CNTN5: variants seen among roughly 807,000 people sequenced by gnomAD.
The protein encoded by CNTN5 is contactin 5, also known as contactin-5.
In CNTN5, 77 loss-of-function variants were observed where a neutral mutation model predicts 129.1. That is an observed-to-expected ratio of 0.60 (90% confidence interval 0.50 to 0.72). The LOEUF (loss-of-function observed/expected upper bound fraction) is 0.72. Ranked by LOEUF, CNTN5 falls within the 30% of genes least tolerant of loss-of-function variation. The probability of loss-of-function intolerance (pLI) is 0.00; values close to 1 mark genes in which losing one functional copy is unlikely to be tolerated. For synonymous variants in CNTN5, 509 were observed against 465.6 expected, an observed-to-expected ratio of 1.09 and a Z score of -1.20; for missense variants, 1,478 against 1,328.8, an observed-to-expected ratio of 1.11 and a Z score of -1.75.
chr11:99,194,763 G>A (rs1858818316), intron 1 of CNTN5, among the ~76,000 whole-genome samples: 1 of 152,136 alleles, frequency 6.6e-6, no homozygotes, highest in Middle Eastern at 3.4e-3. Flanking sequence ...ATGCCGCCAT[G>A]CCCAGCTAAT....
At chr11:100,297,557 C>T (rs1944178) in intron 18 of CNTN5, 68 bp from the exon 19 acceptor site, 1,081,897 of 1,201,864 alleles carry the variant, frequency 0.9, 487,725 homozygotes, top group East Asian at 1. Context: ...TCTGACTTAT[C>T]TCAGGATTTT....
chr11:100,039,535 G>A (rs1231406289), intron 9 of CNTN5, among the ~76,000 whole-genome samples: 1 of 152,182 alleles, frequency 6.6e-6, no homozygotes, highest in Non-Finnish European at 1.5e-5. Context: ...GATTGGGGAA[G>A]TTCTCCTGGG....
chr11:100,323,505 G>T (rs566725089), intron 21 of CNTN5, among the ~76,000 whole-genome samples: 5 of 152,136 alleles, frequency 3.3e-5, no homozygotes, highest in African/African-American at 1.2e-4. Flanking sequence ...TTGGATGCTT[G>T]CCATGATTTT....
intron 1 of CNTN5, among the ~76,000 whole-genome samples, chr11:99,116,525 A>G (rs1030504617): frequency 9.2e-5 from 14 of 152,194 alleles, no homozygotes; most frequent in African/African-American, 3.4e-4. Flanking sequence ...TGCACGTTAC[A>G]TAATAGGCAT....
intron 10 of CNTN5, among the ~76,000 whole-genome samples, chr11:100,067,974 C>A (rs1251306942): frequency 6.6e-6 from 1 of 152,050 alleles, no homozygotes; most frequent in Admixed American, 6.6e-5. Context: ...GGATTGTTTT[C>A]TCAGATGTCA....
At chr11:99,277,032 A>G (rs545471453) in intron 1 of CNTN5, among the ~76,000 whole-genome samples, 1 of 151,768 alleles carries the variant, frequency 6.6e-6, no homozygotes, top group Admixed American at 6.6e-5. Flanking sequence ...GCCTGTTTAA[A>G]CCGTTATTAC....
At chr11:99,434,040 CTG>C (rs1943503924) in intron 2 of CNTN5, among the ~76,000 whole-genome samples, 1 of 152,120 alleles carries the variant, frequency 6.6e-6, no homozygotes, top group Admixed American at 6.6e-5. Flanking sequence ...TTCAGGGACA[CTG>C]TGCTCAGTGC....
In CNTN5 at chr11:100,082,531, C is replaced by A. The variant is rs138681204; in HGVS notation, c.1580+8237C>A. ...TGTCTTGAATTCATGGGCTTAAGCA[C>A]TCCTCCCAGCTTGACCTCCCAAATT... On this transcript the variant is annotated intron_variant, in intron 13 of 24. Coordinates refer to ENST00000524871, the MANE Select transcript of CNTN5 (RefSeq NM_014361.4). Among the ~76,000 whole-genome samples, 215 of 152,176 alleles carry A rather than the reference C, an allele frequency of 1.4e-3. 1 individual carries two copies. Among genetic ancestry groups the A allele is most frequent in the African/African-American group, 5.0e-3 (206 of 41,516 alleles).
intron 15 of CNTN5, among the ~76,000 whole-genome samples, chr11:100,216,744 C>G (rs987592382): frequency 1.3e-5 from 2 of 152,060 alleles, no homozygotes; most frequent in East Asian, 3.8e-4. Context: ...TCAAATAAAC[C>G]TATGGTTCAT....
chr11:99,849,485 T>A (rs1445706645), intron 6 of CNTN5, among the ~76,000 whole-genome samples: 4 of 152,084 alleles, frequency 2.6e-5, no homozygotes, highest in Admixed American at 2.6e-4. Context: ...ACAGCTTGCC[T>A]TCCTGCTCCC....
intron 9 of CNTN5, among the ~76,000 whole-genome samples, chr11:100,053,758 T>C (rs1259337657): frequency 3.3e-5 from 5 of 151,934 alleles, no homozygotes; most frequent in East Asian, 3.9e-4. Flanking sequence ...TGTTCACAAA[T>C]ACTTGTATAA....
At chr11:99,718,623 A>G (rs1409584240) in intron 3 of CNTN5, among the ~76,000 whole-genome samples, 1 of 152,166 alleles carries the variant, frequency 6.6e-6, no homozygotes, top group Non-Finnish European at 1.5e-5. Flanking sequence ...GCACACATCT[A>G]AATTGGTCAG....
intron 3 of CNTN5, among the ~76,000 whole-genome samples, chr11:99,559,314 C>A (rs1948766184): frequency 1.3e-5 from 2 of 151,966 alleles, no homozygotes; most frequent in African/African-American, 4.8e-5. Flanking sequence ...TCCATATTTC[C>A]TTTATTTATT....
At chr11:100,065,295 T>TC (rs1943655830) in intron 10 of CNTN5, among the ~76,000 whole-genome samples, 1 of 152,138 alleles carries the variant, frequency 6.6e-6, no homozygotes, top group Non-Finnish European at 1.5e-5. Context: ...ACTTTTTTTT[T>TC]CATCCAGCCC....
intron 13 of CNTN5, among the ~76,000 whole-genome samples, chr11:100,148,797 A>G (rs560021638): frequency 7.9e-5 from 12 of 152,160 alleles, no homozygotes; most frequent in Non-Finnish European, 1.6e-4. Flanking sequence ...CTCTTGCTCT[A>G]GCATCCTTGT....
At chr11:100,257,151 G>T (rs1246002814) in intron 17 of CNTN5, among the ~76,000 whole-genome samples, 1 of 152,106 alleles carries the variant, frequency 6.6e-6, no homozygotes, top group Admixed American at 6.5e-5. Context: ...TACCCTTATA[G>T]TGTAAACAAA....
At chr11:100,268,237 T>C (rs974440036) in intron 17 of CNTN5, among the ~76,000 whole-genome samples, 3 of 152,128 alleles carry the variant, frequency 2.0e-5, no homozygotes, top group Non-Finnish European at 4.4e-5. Flanking sequence ...AGGTAGGCAT[T>C]TGGATATATA....
chr11:99,808,493 TGTTA>T (rs962060108), intron 3 of CNTN5, among the ~76,000 whole-genome samples: 37 of 152,296 alleles, frequency 2.4e-4, no homozygotes, highest in African/African-American at 8.4e-4. Context: ...AAGAAATTGC[TGTTA>T]GTTGCACAGT....
At chr11:100,256,656 T>C (rs1377941739) in intron 17 of CNTN5, among the ~76,000 whole-genome samples, 1 of 152,038 alleles carries the variant, frequency 6.6e-6, no homozygotes, top group Non-Finnish European at 1.5e-5. Context: ...GAGGGCAAGC[T>C]GAAGCAGCAT....
Sources: gnomAD v4.1 joint callset for allele counts (sites outside exome capture counted in the v4.1 genomes callset) on GRCh38, gnomAD v4.1.1 for gene constraint, MANE v1.5 for transcripts, NCBI Gene and HGNC (gene_info 2026-07-23, HGNC 2026-07-21) for gene names.